Variants in PABPC4L observed in about 807,000 individuals in gnomAD.
PABPC4L encodes the protein polyadenylate-binding protein 4-like.
For synonymous variants in PABPC4L, 169 were observed against 164.1 expected (o/e 1.03, Z -0.23); for missense variants, 452 against 451.4 (o/e 1.00, Z -0.01).
At chr4:134,031,129 G>GT in the PABPC4L span, among the ~76,000 whole-genome samples, 2 of 151,816 alleles carry the variant, frequency 1.3e-5, no homozygotes, top group African/African-American at 2.4e-5. Context: ...TAACAAGAAG[G>GT]TTTTTTTCCC....
the PABPC4L span, among the ~76,000 whole-genome samples, chr4:134,124,692 T>C: frequency 6.6e-6 from 1 of 152,096 alleles, no homozygotes. Context: ...AGTTCAGTCA[T>C]AATGATAAAG....
the PABPC4L span, among the ~76,000 whole-genome samples, chr4:134,044,535 A>T: frequency 1.3e-5 from 2 of 152,262 alleles, no homozygotes; most frequent in South Asian, 4.1e-4. Flanking sequence ...AAGTGCTGGG[A>T]TTATAGGCAT....
the PABPC4L span, among the ~76,000 whole-genome samples, chr4:134,141,562 T>C: frequency 6.6e-6 from 1 of 150,906 alleles, no homozygotes; most frequent in Admixed American, 6.6e-5. Context: ...AATCTGTATG[T>C]TTCAGGCAAT....
the PABPC4L span, among the ~76,000 whole-genome samples, chr4:134,007,303 A>C: frequency 2.0e-5 from 3 of 151,778 alleles, no homozygotes; most frequent in Non-Finnish European, 4.4e-5. Flanking sequence ...ATGTGGATTA[A>C]AGATGGCATT....
chr4:134,059,019 G>T, the PABPC4L span, among the ~76,000 whole-genome samples: 1 of 152,012 alleles, frequency 6.6e-6, no homozygotes, highest in East Asian at 1.9e-4. Context: ...TTTATTTATT[G>T]AGTGAACAAA....
At chr4:134,098,378 T>C in the PABPC4L span, among the ~76,000 whole-genome samples, 2 of 151,796 alleles carry the variant, frequency 1.3e-5, no homozygotes, top group Non-Finnish European at 2.9e-5. Flanking sequence ...CTCTATACTA[T>C]ATACCTGGGA....
At chr4:134,021,312 A>G in the PABPC4L span, among the ~76,000 whole-genome samples, 1 of 152,148 alleles carries the variant, frequency 6.6e-6, no homozygotes, top group African/African-American at 2.4e-5. Context: ...AGAACCCACA[A>G]GGACCTGTGT....
At chr4:134,191,890 A>C (rs760434077), downstream of PABPC4L, among the ~76,000 whole-genome samples, 3 of 152,104 alleles carry the variant, frequency 2.0e-5, no homozygotes, top group Non-Finnish European at 2.9e-5. Flanking sequence ...GGGAATGGTA[A>C]AGATTACATC....
At chr4:134,047,386 T>G in the PABPC4L span, among the ~76,000 whole-genome samples, 1 of 152,080 alleles carries the variant, frequency 6.6e-6, no homozygotes. Context: ...CAAAAAGAGA[T>G]GATGGAAACG....
At chr4:134,011,077 TA>T in the PABPC4L span, among the ~76,000 whole-genome samples, 1 of 152,298 alleles carries the variant, frequency 6.6e-6, no homozygotes, top group East Asian at 1.9e-4. Flanking sequence ...GAATAATTTT[TA>T]AACTTTAAAT....
the PABPC4L span, among the ~76,000 whole-genome samples, chr4:134,016,715 G>A: frequency 9.2e-5 from 14 of 152,120 alleles, no homozygotes; most frequent in East Asian, 1.2e-3. Context: ...CCTCTTCCAC[G>A]TAGGTTACAA....
the PABPC4L span, among the ~76,000 whole-genome samples, chr4:133,992,173 A>G: frequency 6.6e-6 from 1 of 152,296 alleles, no homozygotes; most frequent in East Asian, 1.9e-4. Context: ...CAAAGCCACG[A>G]TGGATGCAGA....
At chr4:134,047,396 G>A in the PABPC4L span, among the ~76,000 whole-genome samples, 2 of 152,018 alleles carry the variant, frequency 1.3e-5, no homozygotes, top group African/African-American at 4.8e-5. Flanking sequence ...TGATGGAAAC[G>A]GTGAGTGTTC....
chr4:134,033,741 A>G, the PABPC4L span, among the ~76,000 whole-genome samples: 6 of 151,926 alleles, frequency 3.9e-5, no homozygotes, highest in African/African-American at 1.4e-4. Flanking sequence ...GGGGCTTAAG[A>G]GTTGATGAAG....
chr4:134,090,958 A>C, the PABPC4L span, among the ~76,000 whole-genome samples: 1 of 151,900 alleles, frequency 6.6e-6, no homozygotes, highest in Non-Finnish European at 1.5e-5. Flanking sequence ...CTGACCCCTA[A>C]ATTTTTCTGG....
At chr4:134,030,479 G>A in the PABPC4L span, among the ~76,000 whole-genome samples, 2 of 151,994 alleles carry the variant, frequency 1.3e-5, no homozygotes, top group Non-Finnish European at 2.9e-5. Flanking sequence ...TCTTACAGAA[G>A]AAATCACATA....
At chr4:134,116,717 T>C in the PABPC4L span, among the ~76,000 whole-genome samples, 1 of 151,730 alleles carries the variant, frequency 6.6e-6, no homozygotes, top group African/African-American at 2.4e-5. Flanking sequence ...ATAACAATAT[T>C]AAGATGTATA....
the PABPC4L span, among the ~76,000 whole-genome samples, chr4:134,092,950 G>C: frequency 6.6e-6 from 1 of 151,938 alleles, no homozygotes. Flanking sequence ...TAAGAATTCT[G>C]TGAGGTTAAT....
chr4:133,955,803 T>A, the PABPC4L span, among the ~76,000 whole-genome samples: 2 of 152,198 alleles, frequency 1.3e-5, no homozygotes, highest in Non-Finnish European at 2.9e-5. Flanking sequence ...GACTTACTTA[T>A]TAATGCACCA....
Sources: gnomAD v4.1 joint callset for allele counts (sites outside exome capture counted in the v4.1 genomes callset) on GRCh38, gnomAD v4.1.1 for gene constraint, MANE v1.5 for transcripts, NCBI Gene and HGNC (gene_info 2026-07-23, HGNC 2026-07-21) for gene names.